Variants in GABRB2 observed in about 807,000 individuals in gnomAD.
The protein encoded by GABRB2 is gamma-aminobutyric acid receptor subunit beta-2.
GABRB2 carries 16 observed loss-of-function variants against 54.7 expected under a neutral mutation model. That is an observed-to-expected ratio of 0.29 (90% CI 0.20 to 0.44). The LOEUF (loss-of-function observed/expected upper bound fraction) is 0.44. Ranked by LOEUF, GABRB2 falls within the 20% of genes least tolerant of loss-of-function variation. The pLI is 1.00. For missense variants in GABRB2, 355 were observed against 644.0 expected, an observed-to-expected ratio of 0.55 and a Z score of 4.86; for synonymous variants, 244 against 233.8, an observed-to-expected ratio of 1.04 and a Z score of -0.40.
chr5:161,505,711 T>A (rs1007732433), intron 3 of GABRB2, among the ~76,000 whole-genome samples: 1 of 152,144 alleles, frequency 6.6e-6, no homozygotes, highest in African/African-American at 2.4e-5. Flanking sequence ...CATCACTAAG[T>A]TCAGAGAAAA....
intron 4 of GABRB2, chr5:161,459,384 C>A (rs1246152437): frequency 1.9e-6 from 1 of 535,284 alleles, no homozygotes; most frequent in Admixed American, 3.1e-5. Flanking sequence ...TTAAAGAAAG[C>A]AGCTTTAGGA....
chr5:161,380,876 G>C (rs199732271), intron 5 of GABRB2, among the ~76,000 whole-genome samples: 1 of 140,820 alleles, frequency 7.1e-6, no homozygotes, highest in Non-Finnish European at 1.6e-5. Context: ...AAAAAAAAAA[G>C]GGCTTTACTG....
intron 3 of GABRB2, among the ~76,000 whole-genome samples, chr5:161,504,818 T>C (rs1759554880): frequency 6.7e-6 from 1 of 149,374 alleles, no homozygotes; most frequent in South Asian, 2.1e-4. Context: ...GGAAATATTA[T>C]GAACAACTTT....
intron 3 of GABRB2, among the ~76,000 whole-genome samples, chr5:161,468,186 A>G (rs1758332327): frequency 6.6e-6 from 1 of 152,082 alleles, no homozygotes. Flanking sequence ...ATGTAAAGCA[A>G]ATCATGTCTT....
chr5:161,461,734 T>A (rs1431998297), intron 3 of GABRB2, among the ~76,000 whole-genome samples: 4 of 152,058 alleles, frequency 2.6e-5, no homozygotes, highest in Non-Finnish European at 5.9e-5. Context: ...TACTTGAGGG[T>A]TTTTTAAAAA....
rs1032621594 is a variant in GABRB2, at chr5:161,530,476, T to C, written c.237+14751A>G. On this transcript the variant is annotated intron_variant, in intron 3 of 9. Transcript: ENST00000393959. ...TCTCTTAGGAAATGTACAATTATGA[T>C]ATTAAAACGATAGTTGATCTTTCTA... Among the ~76,000 whole-genome samples the C allele has an allele frequency of 3.3e-5, 5 of 152,088 alleles. No individual in the cohort carries two copies. In the South Asian group the frequency reaches 8.3e-4, roughly 25 times the overall value.
At chr5:161,514,650 A>G (rs375539314) in intron 3 of GABRB2, among the ~76,000 whole-genome samples, 4 of 152,080 alleles carry the variant, frequency 2.6e-5, no homozygotes, top group African/African-American at 9.6e-5. Context: ...AATGGTCCTT[A>G]ATGTGCATGT....
At chr5:161,318,228 T>C (rs951663964) in intron 9 of GABRB2, among the ~76,000 whole-genome samples, 3 of 152,024 alleles carry the variant, frequency 2.0e-5, no homozygotes, top group Non-Finnish European at 4.4e-5. Context: ...AGAAATTAAA[T>C]ATTTTTGCAA....
rs1428935878 is a variant in GABRB2, at chr5:161,289,395, T to C, written c.*4686A>G. On this transcript the variant is annotated 3_prime_UTR_variant, in exon 10 of 10. Coordinates refer to ENST00000393959, the MANE Select transcript of GABRB2 (RefSeq NM_001371727.1). ...TTTTTTTCCCCCATTATCTCATTTT[T>C]TTTTTCCTTTTTTGTTTTTCAATAA... 1.3e-5 allele frequency: 2 copies of C among 151,680 alleles called. No individual in the cohort carries two copies. 9.4% of individuals were successfully genotyped at this position (151,680 alleles called of 1,614,324 possible).
chr5:161,372,109 G>T (rs1217924874), intron 5 of GABRB2, among the ~76,000 whole-genome samples: 4 of 151,998 alleles, frequency 2.6e-5, no homozygotes, highest in Non-Finnish European at 5.9e-5. Flanking sequence ...ACTTGGAATT[G>T]GTAAACAGGC....
chr5:161,351,953 G>T (rs1454260019), intron 5 of GABRB2, among the ~76,000 whole-genome samples: 3 of 152,002 alleles, frequency 2.0e-5, no homozygotes, highest in African/African-American at 7.2e-5. Flanking sequence ...ATAAAAATAT[G>T]CTCAATCTCA....
intron 3 of GABRB2, among the ~76,000 whole-genome samples, chr5:161,494,839 TTCA>T (rs1283081747): frequency 2.6e-5 from 4 of 151,864 alleles, no homozygotes; most frequent in Non-Finnish European, 1.5e-5. Flanking sequence ...AAGGAAGCAT[TTCA>T]TCAACATTTG....
chr5:161,426,837 T>C (rs1757014696), intron 4 of GABRB2, among the ~76,000 whole-genome samples: 1 of 152,058 alleles, frequency 6.6e-6, no homozygotes, highest in African/African-American at 2.4e-5. Flanking sequence ...CGATCACACT[T>C]GATCTCTGGA....
At chr5:161,449,219 A>G (rs1366264690) in intron 4 of GABRB2, among the ~76,000 whole-genome samples, 2 of 152,206 alleles carry the variant, frequency 1.3e-5, no homozygotes, top group African/African-American at 2.4e-5. Context: ...GAAACTCATT[A>G]GCAAGTTACT....
chr5:161,388,014 G>A (rs1439712141), intron 5 of GABRB2, among the ~76,000 whole-genome samples: 2 of 151,994 alleles, frequency 1.3e-5, no homozygotes, highest in Admixed American at 6.6e-5. Flanking sequence ...TCACAATACC[G>A]ACAATAAAAC....
At chr5:161,446,789 T>C (rs757614948) in intron 4 of GABRB2, among the ~76,000 whole-genome samples, 1 of 152,146 alleles carries the variant, frequency 6.6e-6, no homozygotes, top group Non-Finnish European at 1.5e-5. Flanking sequence ...TGTCTTTGAC[T>C]CCAGATTTTG....
intron 3 of GABRB2, among the ~76,000 whole-genome samples, chr5:161,531,718 T>A (rs1157574435): frequency 6.6e-6 from 1 of 152,002 alleles, no homozygotes; most frequent in East Asian, 1.9e-4. Context: ...CACTATATTT[T>A]TTCTATGAGA....
At chr5:161,398,472 A>G (rs1450673387) in intron 5 of GABRB2, among the ~76,000 whole-genome samples, 6 of 152,196 alleles carry the variant, frequency 3.9e-5, no homozygotes, top group Admixed American at 3.3e-4. Context: ...CTATGCAGTC[A>G]GCAACAATGC....
At chr5:161,467,570 G>A (rs774509114) in intron 3 of GABRB2, among the ~76,000 whole-genome samples, 29 of 152,054 alleles carry the variant, frequency 1.9e-4, no homozygotes, top group Non-Finnish European at 3.1e-4. Context: ...ATTCTGGGTA[G>A]AATGTTTTAA....
Sources: gnomAD v4.1 joint callset for allele counts (sites outside exome capture counted in the v4.1 genomes callset) on GRCh38, gnomAD v4.1.1 for gene constraint, MANE v1.5 for transcripts, NCBI Gene and HGNC (gene_info 2026-07-23, HGNC 2026-07-21) for gene names.